Variants in PIK3R6 observed in about 807,000 individuals in gnomAD.
PIK3R6 encodes phosphoinositide 3-kinase regulatory subunit 6.
A neutral mutation model predicts 84.9 loss-of-function variants in PIK3R6; 91 were observed. The ratio of observed to expected loss-of-function variants is 1.07; its 90% CI spans 0.90 to 1.28. The LOEUF (loss-of-function observed/expected upper bound fraction) is 1.28, where lower values mean the gene tolerates loss of function less well. Ranked by LOEUF, PIK3R6 falls within the 50% of genes most tolerant of loss-of-function variation. PIK3R6 has a pLI of 0.00. For synonymous variants in PIK3R6, 416 were observed against 411.4 expected (o/e 1.01, Z -0.13); for missense variants, 996 against 985.1 (o/e 1.01, Z -0.15).
At chr17:8,823,560 T>C (rs1449629733) in intron 13 of PIK3R6, 63 bp from the exon 14 acceptor site, 3 of 1,166,878 alleles carry the variant, frequency 2.6e-6, no homozygotes, top group Non-Finnish European at 3.8e-6. Flanking sequence ...AGATGCCATT[T>C]TCTTCAGAGA....
chr17:8,834,406 A>G (rs991026661), intron 8 of PIK3R6, among the ~76,000 whole-genome samples: 12 of 151,998 alleles, frequency 7.9e-5, no homozygotes, highest in Admixed American at 5.9e-4. Flanking sequence ...TTGTATTTTT[A>G]TTTTTAGAGA....
At chr17:8,817,640 CG>C (rs1293244630) in intron 18 of PIK3R6, among the ~76,000 whole-genome samples, 3 of 149,536 alleles carry the variant, frequency 2.0e-5, no homozygotes, top group African/African-American at 7.4e-5. Flanking sequence ...GACTCCGTCT[CG>C]AAAAAAAACA....
chr17:8,857,877 G>A (rs1470964798), intron 1 of PIK3R6, among the ~76,000 whole-genome samples: 1 of 149,316 alleles, frequency 6.7e-6, no homozygotes, highest in Non-Finnish European at 1.5e-5. Context: ...ACCAGCCTGG[G>A]CAACAAGAGT....
Position 8,803,365 on chromosome 17 carries a change from T to G in PIK3R6, c.2173A>C (p.Asn725His). Residue 725 changes from asparagine to histidine, a missense_variant, in exon 20 of 20, where the codon AAT becomes CAT. Coordinates refer to ENST00000619866, the MANE Select transcript of PIK3R6 (RefSeq NM_001010855.4). The surrounding 1 kb of genome is among the most constrained non-coding windows in gnomAD (Gnocchi z 5.0). ...GAQKSKAPWL[N>H]LHGQQEVEAI... ...TCCACCTCCTGTTGCCCATGCAAAT[T>G]GAGCCACGGTGCCTTGGACTTCTGG... 6.2e-7 allele frequency: 1 copy of G among 1,613,662 alleles called. No individual in the cohort carries two copies. Among genetic ancestry groups the G allele is most frequent in the Non-Finnish European group, 8.5e-7 (1 of 1,179,786 alleles).
At chr17:8,821,535 T>C (rs1025753751) in intron 17 of PIK3R6, among the ~76,000 whole-genome samples, 1 of 152,194 alleles carries the variant, frequency 6.6e-6, no homozygotes, top group African/African-American at 2.4e-5. Flanking sequence ...GTCAAAGTCC[T>C]AAATTTCCAA....
At chr17:8,828,230 G>A (rs746693980) in intron 11 of PIK3R6, 40 bp from the exon 12 acceptor site, 13 of 1,593,616 alleles carry the variant, frequency 8.2e-6, no homozygotes, top group Non-Finnish European at 1.0e-5. Flanking sequence ...TAGGGGCGGG[G>A]CTTGGCTTCA....
chr17:8,859,882 C>G (rs2089230917), intron 1 of PIK3R6, among the ~76,000 whole-genome samples: 2 of 152,156 alleles, frequency 1.3e-5, no homozygotes, highest in Admixed American at 1.3e-4. Context: ...AGGAGCCAAT[C>G]CCTGCTAATA....
intron 18 of PIK3R6, among the ~76,000 whole-genome samples, chr17:8,811,132 T>C (rs2087344605): frequency 1.3e-5 from 2 of 148,870 alleles, no homozygotes; most frequent in Non-Finnish European, 2.9e-5. Context: ...TCTGTGCACT[T>C]GCAGGCTCAA....
chr17:8,865,588 T>C lies in PIK3R6; in HGVS notation c.-92+1941A>G, dbSNP rs1404661858. ...TCAGGGTTTCAGGGGCAGCTCAGGC[T>C]TGCCAGACGTCATAGCTGTGTTTTT... is the stretch of plus-strand genomic sequence containing the variant. On this transcript the variant is annotated intron_variant, in intron 1 of 19. Coordinates refer to ENST00000619866, the MANE Select transcript of PIK3R6 (RefSeq NM_001010855.4). 2.6e-5 allele frequency among the ~76,000 whole-genome samples: 4 copies of C among 151,226 alleles called. No homozygotes were observed. In the East Asian group the frequency reaches 7.7e-4, roughly 29 times the overall value.
At position 8,842,488 on chromosome 17, in the gene PIK3R6, C is replaced by G. The variant is rs954911531; in HGVS notation, c.14-2791G>C. Among the ~76,000 whole-genome samples the G allele has an allele frequency of 1.9e-4, 29 of 152,120 alleles. No homozygotes were observed. The highest frequency in any genetic ancestry group is 6.8e-4 in the African/African-American group (28 of 41,408). On this transcript the variant is annotated intron_variant, in intron 2 of 19. Transcript: ENST00000619866. This position sits in a 1 kb window ranked among gnomAD's most constrained non-coding sequence, Gnocchi z 4.5. ...GGTCTGACAGCTGCTCTCCCAGGTC[C>G]CTCTCCATTTCTGTCACACAAGTGT... is the stretch of plus-strand genomic sequence containing the variant.
At chr17:8,833,379 T>C (rs1597408942) in intron 8 of PIK3R6, among the ~76,000 whole-genome samples, 1 of 152,308 alleles carries the variant, frequency 6.6e-6, no homozygotes, top group East Asian at 1.9e-4. Context: ...CCCCACTAGA[T>C]TGTGAATTCC....
At chr17:8,832,375 CTTTTTTTTTTT>C (rs759188865) in intron 9 of PIK3R6, among the ~76,000 whole-genome samples, 2 of 77,798 alleles carry the variant, frequency 2.6e-5, no homozygotes, top group Admixed American at 3.7e-4. Context: ...TACCCACCTT[CTTTTTTTTTTT>C]TTTTTTTTTT....
chr17:8,850,849 T>C (rs917616911), intron 1 of PIK3R6, among the ~76,000 whole-genome samples: 5 of 152,188 alleles, frequency 3.3e-5, no homozygotes, highest in Non-Finnish European at 7.3e-5. Context: ...CGCACATGGT[T>C]TTCTAGGACA....
chr17:8,837,715 C>G, intron 5 of PIK3R6, 88 bp downstream of exon 5: 2 of 1,174,778 alleles, frequency 1.7e-6, no homozygotes, highest in Non-Finnish European at 1.2e-6. Context: ...CTCATCCTGG[C>G]GGAGACTGAG....
Position 8,828,804 on chromosome 17 carries a change from G to A in PIK3R6, c.1076C>T (p.Pro359Leu). Residue 359 changes from proline to leucine, a missense_variant, in exon 11 of 20, where the codon CCT becomes CTT. Pro to Leu is a moderately conservative substitution (Grantham distance 98). Coordinates refer to ENST00000619866, the MANE Select transcript of PIK3R6 (RefSeq NM_001010855.4). Reference protein sequence around the residue: ...GADELPAPGSPEMERAGLQRK... With the variant: ...GADELPAPGSLEMERAGLQRK... ...CTGCAGCCCGGCTCGCTCCATCTCAGGGCTGCCGGGTGCAGGCAGCTCATC... is the reference window on the plus strand; with the variant it reads ...CTGCAGCCCGGCTCGCTCCATCTCAAGGCTGCCGGGTGCAGGCAGCTCATC... The A allele has an allele frequency of 6.3e-7, 1 of 1,588,532 alleles. No individual in the cohort carries two copies. Among genetic ancestry groups the A allele is most frequent in the Non-Finnish European group, 8.6e-7 (1 of 1,165,350 alleles).
At chr17:8,849,585 G>C (rs186840270) in intron 2 of PIK3R6, among the ~76,000 whole-genome samples, 197 bp downstream of exon 2, 49 of 152,360 alleles carry the variant, frequency 3.2e-4, no homozygotes, top group South Asian at 6.2e-4. Flanking sequence ...CCAGCGAGCA[G>C]TTGGAGCCTT....
intron 2 of PIK3R6, among the ~76,000 whole-genome samples, chr17:8,843,846 G>A (rs1460916493): frequency 6.6e-6 from 1 of 152,014 alleles, no homozygotes; most frequent in Admixed American, 6.6e-5. Context: ...CCCATGCCTC[G>A]GTTTCACTCA....
At chr17:8,865,872 T>TGGGGTG (rs888831161) in intron 1 of PIK3R6, among the ~76,000 whole-genome samples, 2 of 10,758 alleles carry the variant, frequency 1.9e-4, no homozygotes, top group African/African-American at 4.7e-4. Flanking sequence ...AAAGAGCCAG[T>TGGGGTG]GGGGTGGGGG....
chr17:8,824,057 G>A (rs1450102559), intron 13 of PIK3R6, among the ~76,000 whole-genome samples: 3 of 152,132 alleles, frequency 2.0e-5, no homozygotes, highest in Admixed American at 6.5e-5. Context: ...GTCACCTGAG[G>A]TCAGGAGTTC....
Sources: gnomAD v4.1 joint callset for allele counts (sites outside exome capture counted in the v4.1 genomes callset) on GRCh38, gnomAD v4.1.1 for gene constraint, Gnocchi (gnomAD v3.1) non-coding constraint, MANE v1.5 for transcripts, NCBI Gene and HGNC (gene_info 2026-07-23, HGNC 2026-07-21) for gene names.